Variants in NWD2 observed in about 807,000 individuals in gnomAD.
The protein encoded by NWD2 is NACHT and WD repeat domain containing 2.
In NWD2, 37 loss-of-function variants were observed where a neutral mutation model predicts 132.7. The observed-to-expected ratio is 0.28, with a 90% CI of 0.21 to 0.37. The LOEUF (loss-of-function observed/expected upper bound fraction) is 0.37, where lower values mean the gene tolerates loss of function less well. Ranked by LOEUF, NWD2 falls within the 10% of genes least tolerant of loss-of-function variation. The pLI is 1.00. For synonymous variants in NWD2, 705 were observed against 803.0 expected, an observed-to-expected ratio of 0.88 and a Z score of 2.06; for missense variants, 1,592 against 2,122.4, an observed-to-expected ratio of 0.75 and a Z score of 4.91.
At chr4:37,269,949 GCCCT>G (rs1474309903) in intron 1 of NWD2, among the ~76,000 whole-genome samples, 1 of 151,602 alleles carries the variant, frequency 6.6e-6, no homozygotes, top group Non-Finnish European at 1.5e-5. Flanking sequence ...GTACCATTTT[GCCCT>G]CCCATCAGCA....
intron 1 of NWD2, among the ~76,000 whole-genome samples, chr4:37,253,647 A>G (rs1447282848): frequency 6.8e-6 from 1 of 146,612 alleles, no homozygotes; most frequent in Non-Finnish European, 1.5e-5. Context: ...GGAATGATAT[A>G]CATGTATCTG....
chr4:37,345,866 A>G (rs1719624360), intron 2 of NWD2, among the ~76,000 whole-genome samples: 1 of 152,116 alleles, frequency 6.6e-6, no homozygotes, highest in Non-Finnish European at 1.5e-5. Context: ...GGATCACCTG[A>G]GGTTAGGAGT....
intron 3 of NWD2, among the ~76,000 whole-genome samples, chr4:37,390,866 G>A (rs1473626117): frequency 2.0e-5 from 3 of 152,200 alleles, no homozygotes; most frequent in Non-Finnish European, 2.9e-5. Flanking sequence ...CTTTTAGAAA[G>A]GGAAAGGGAG....
At chr4:37,290,583 G>A (rs192859772) in intron 1 of NWD2, among the ~76,000 whole-genome samples, 44 of 152,346 alleles carry the variant, frequency 2.9e-4, no homozygotes, top group African/African-American at 9.1e-4. Flanking sequence ...TAAAGGACAA[G>A]TAGGAGCACG....
chr4:37,244,844 CAGGA>C lies in NWD2; in HGVS notation c.-223_-220del, dbSNP rs1717195193. The C allele has an allele frequency of 1.8e-6, 1 of 553,780 alleles. No individual in the cohort carries two copies. Among genetic ancestry groups the C allele is most frequent in the Non-Finnish European group, 3.1e-6 (1 of 320,728 alleles). 34.3% of individuals were successfully genotyped at this position (553,780 alleles called of 1,614,324 possible). On this transcript the variant is annotated 5_prime_UTR_variant, in exon 1 of 7. Transcript: ENST00000309447. The surrounding 1 kb of genome is among the most constrained non-coding windows in gnomAD (Gnocchi z 5.5). ...GGGCGAAGGCGGAGGCCCAGAAGGG[CAGGA>C]GACCGCCGCGACAGGAGCCCGAGGG...
intron 1 of NWD2, among the ~76,000 whole-genome samples, chr4:37,306,972 C>CGAGAT (rs572841480): frequency 1.3e-5 from 2 of 150,260 alleles, no homozygotes; most frequent in Non-Finnish European, 2.9e-5. Flanking sequence ...TGTAGTGAGC[C>CGAGAT]GAGATTGCGC....
chr4:37,356,037 G>C (rs925979648), intron 2 of NWD2, among the ~76,000 whole-genome samples: 1 of 152,032 alleles, frequency 6.6e-6, no homozygotes, highest in African/African-American at 2.4e-5. Flanking sequence ...AAGTACTATG[G>C]TAACATCATG....
In NWD2 at chr4:37,329,994, G is replaced by A. The variant is rs568892027; in HGVS notation, c.240+3970G>A. Among the ~76,000 whole-genome samples the A allele has an allele frequency of 2.6e-5, 4 of 152,278 alleles. No homozygotes were observed. The South Asian group carries it at 8.3e-4, about 32-fold the overall frequency. ...ATGGCCAGTCAAATAGCTGCACATA[G>A]TAATCCATTTAGTTCAGTCTTTATT... On this transcript the variant is annotated intron_variant, in intron 2 of 6. Transcript: ENST00000309447.
chr4:37,387,035 T>C (rs1720578781), intron 3 of NWD2, among the ~76,000 whole-genome samples: 1 of 152,198 alleles, frequency 6.6e-6, no homozygotes, highest in Admixed American at 6.5e-5. Flanking sequence ...CAGATATTCC[T>C]TGATAGCAAT....
intron 3 of NWD2, among the ~76,000 whole-genome samples, chr4:37,424,232 G>A (rs765155152): frequency 3.9e-5 from 6 of 152,176 alleles, no homozygotes; most frequent in African/African-American, 1.4e-4. Context: ...GCCCTGCCAA[G>A]GGTACTGCCT....
At chr4:37,269,459 G>C (rs1717824666) in intron 1 of NWD2, among the ~76,000 whole-genome samples, 1 of 151,750 alleles carries the variant, frequency 6.6e-6, no homozygotes, top group Admixed American at 6.6e-5. Flanking sequence ...GTATTCATTT[G>C]TGTAACCACA....
chr4:37,446,322 C>A lies in NWD2; in HGVS notation c.4334C>A (p.Thr1445Asn). The A allele has an allele frequency of 6.4e-7, 1 of 1,551,888 alleles. No individual in the cohort carries two copies. Among genetic ancestry groups the A allele is most frequent in the Non-Finnish European group, 8.7e-7 (1 of 1,147,046 alleles). The change falls in exon 7 of 7, where the codon ACC becomes AAC. Residue 1445 changes from threonine (T) to asparagine (N), a missense_variant. Coordinates refer to ENST00000309447, the MANE Select transcript of NWD2 (RefSeq NM_001144990.2). This position sits in a 1 kb window ranked among gnomAD's most constrained non-coding sequence, Gnocchi z 6.7. ...ACCACTTTGCAGAATGCCTTTATTACCTCCGCAAATACCTTCGTGGTGGGA... is the reference window on the plus strand; with the variant it reads ...ACCACTTTGCAGAATGCCTTTATTAACTCCGCAAATACCTTCGTGGTGGGA... ...ILTTLQNAFITSANTFVVGMT... is the reference protein window; with the variant it reads ...ILTTLQNAFINSANTFVVGMT...
rs1428388797 is a variant in NWD2 at position 37,433,787 on chromosome 4, G to C, written c.562-89G>C. ...CTATCATAGTATTGGCACATAGTAG[G>C]CCTTCAAATAATAGAAATTTTCTTG... On this transcript the variant is annotated intron_variant, in intron 4 of 6. Coordinates refer to ENST00000309447, the MANE Select transcript of NWD2 (RefSeq NM_001144990.2). 3.8e-5 allele frequency: 37 copies of C among 974,110 alleles called. No homozygotes were observed. The East Asian group carries it at 8.2e-4, about 21-fold the overall frequency. 60.3% of individuals were successfully genotyped at this position (974,110 alleles called of 1,614,324 possible).
chr4:37,345,105 T>C (rs940567382), intron 2 of NWD2, among the ~76,000 whole-genome samples: 2 of 152,208 alleles, frequency 1.3e-5, no homozygotes, highest in East Asian at 1.9e-4. Context: ...GTCTTATTTA[T>C]TTATCTGTTG....
chr4:37,395,000 A>G (rs1720759139), intron 3 of NWD2, among the ~76,000 whole-genome samples: 2 of 149,746 alleles, frequency 1.3e-5, no homozygotes, highest in Admixed American at 6.7e-5. Flanking sequence ...TCTAGTAGAG[A>G]TGGGGTTTCA....
In NWD2 at chr4:37,244,918, C is replaced by T; in HGVS notation, c.-150C>T. 1 of 1,001,352 alleles carries T rather than the reference C, an allele frequency of 1.0e-6. No individual in the cohort carries two copies. Among genetic ancestry groups the T allele is most frequent in the East Asian group, 2.9e-5 (1 of 34,650 alleles). The allele number at this position is 1,001,352 out of a possible 1,614,324, so 62.0% of individuals were successfully genotyped here. On this transcript the variant is annotated 5_prime_UTR_variant, in exon 1 of 7. Transcript: ENST00000309447. This position sits in a 1 kb window ranked among gnomAD's most constrained non-coding sequence, Gnocchi z 5.5. ...CCGGCGGGTGCTGTGCGCCACGGAG[C>T]TCGCCAAAGGCGCTTCGGGCTCGGA...
chr4:37,325,239 C>A (rs1409427188), intron 1 of NWD2, among the ~76,000 whole-genome samples: 1 of 152,100 alleles, frequency 6.6e-6, no homozygotes, highest in Non-Finnish European at 1.5e-5. Context: ...CTTGTATTTT[C>A]TTAATGACAG....
At chr4:37,305,240 G>A (rs1190033140) in intron 1 of NWD2, among the ~76,000 whole-genome samples, 4 of 152,200 alleles carry the variant, frequency 2.6e-5, no homozygotes, top group Non-Finnish European at 5.9e-5. Context: ...TTCAGGCCAC[G>A]AAACTATTTT....
intron 1 of NWD2, among the ~76,000 whole-genome samples, chr4:37,259,848 T>C (rs916569590): frequency 2.0e-5 from 3 of 152,138 alleles, no homozygotes; most frequent in African/African-American, 7.2e-5. Flanking sequence ...CTTCCTCCCC[T>C]CCAGGGAAGG....
Sources: allele counts gnomAD v4.1 joint callset (sites outside exome capture counted in the v4.1 genomes callset), GRCh38; gene constraint gnomAD v4.1.1; non-coding constraint Gnocchi (gnomAD v3.1); transcripts MANE v1.5; gene names NCBI Gene and HGNC (gene_info 2026-07-23, HGNC 2026-07-21).